SLC4A10: variants seen among roughly 807,000 people sequenced by gnomAD.
The protein encoded by SLC4A10 is sodium-driven chloride bicarbonate exchanger.
Under a neutral mutation model 137.7 loss-of-function variants are expected in SLC4A10, and 42 were observed. The observed-to-expected ratio is 0.30, with a 90% CI of 0.24 to 0.39. The LOEUF (loss-of-function observed/expected upper bound fraction) is 0.39. Ranked by LOEUF, SLC4A10 falls within the 10% of genes least tolerant of loss-of-function variation. The pLI, the probability that SLC4A10 is intolerant of heterozygous loss-of-function variation, is 1.00. For missense variants in SLC4A10, 925 were observed against 1,355.0 expected (o/e 0.68, Z 4.98); for synonymous variants, 474 against 464.1 (o/e 1.02, Z -0.27).
intron 15 of SLC4A10, among the ~76,000 whole-genome samples, chr2:161,914,841 G>C (rs539688824): frequency 6.6e-6 from 1 of 152,038 alleles, no homozygotes; most frequent in Non-Finnish European, 1.5e-5. Flanking sequence ...AAATGATTAA[G>C]ATTAAATGAA....
intron 9 of SLC4A10, among the ~76,000 whole-genome samples, chr2:161,881,583 A>G (rs2061784926): frequency 6.6e-6 from 1 of 152,074 alleles, no homozygotes; most frequent in East Asian, 1.9e-4. Flanking sequence ...CATTTAACAA[A>G]TTAACACCAC....
intron 1 of SLC4A10, among the ~76,000 whole-genome samples, chr2:161,650,575 C>T (rs1422001581): frequency 6.6e-6 from 1 of 152,136 alleles, no homozygotes. Flanking sequence ...CCGGCACTCT[C>T]GGGGGGCCTG....
At chr2:161,686,969 G>T (rs941024738) in intron 1 of SLC4A10, among the ~76,000 whole-genome samples, 1 of 144,330 alleles carries the variant, frequency 6.9e-6, no homozygotes, top group Non-Finnish European at 1.5e-5. Context: ...TGCAACCTCC[G>T]CCTCCCGGGT....
intron 19 of SLC4A10, among the ~76,000 whole-genome samples, chr2:161,953,665 T>C (rs1421520780): frequency 1.3e-5 from 2 of 152,148 alleles, no homozygotes; most frequent in African/African-American, 4.8e-5. Context: ...AATAAAGCTG[T>C]GTTGCACTGC....
intron 1 of SLC4A10, among the ~76,000 whole-genome samples, chr2:161,631,567 C>T (rs1573985900): frequency 6.6e-6 from 1 of 151,540 alleles, no homozygotes; most frequent in Non-Finnish European, 1.5e-5. Context: ...AATATATCTT[C>T]AAAGCTGAGT....
intron 9 of SLC4A10, 108 bp from the exon 10 acceptor site, chr2:161,882,249 C>A (rs2061851706): frequency 8.6e-6 from 5 of 579,432 alleles, no homozygotes; most frequent in Admixed American, 3.8e-5. Context: ...GAAGTATTTG[C>A]CATCACAATC....
intron 3 of SLC4A10, among the ~76,000 whole-genome samples, chr2:161,814,602 T>C (rs1335307187): frequency 6.6e-6 from 1 of 152,040 alleles, no homozygotes; most frequent in African/African-American, 2.4e-5. Context: ...AAGAGCAAAA[T>C]CATGTTCTTT....
In SLC4A10 at chr2:161,755,080, G is replaced by A. The variant is rs550697601; in HGVS notation, c.49-15893G>A. Among the ~76,000 whole-genome samples the A allele has an allele frequency of 6.6e-5, 10 of 152,158 alleles. No individual in the cohort carries two copies. In the South Asian group the frequency reaches 1.9e-3, roughly 28 times the overall value. On this transcript the variant is annotated intron_variant, in intron 1 of 26. Coordinates refer to ENST00000446997, the MANE Select transcript of SLC4A10 (RefSeq NM_001178015.2). ...TAGATATGAAAAATATCATTTTAAAGCAAAGAACTGACTCATACAAAAAAA... is the reference window on the plus strand; with the variant it reads ...TAGATATGAAAAATATCATTTTAAAACAAAGAACTGACTCATACAAAAAAA...
intron 1 of SLC4A10, among the ~76,000 whole-genome samples, chr2:161,658,886 T>G (rs1314101445): frequency 6.6e-6 from 1 of 152,136 alleles, no homozygotes; most frequent in Non-Finnish European, 1.5e-5. Flanking sequence ...CCACCGAGCC[T>G]GGCCAGTTTT....
chr2:161,960,741 A>G (rs1295070234), intron 21 of SLC4A10, among the ~76,000 whole-genome samples: 2 of 151,024 alleles, frequency 1.3e-5, no homozygotes, highest in African/African-American at 2.4e-5. Context: ...AAAAAAAAAA[A>G]GGGAGAAAGA....
At chr2:161,869,658 A>T (rs1028240880) in intron 6 of SLC4A10, among the ~76,000 whole-genome samples, 4 of 151,630 alleles carry the variant, frequency 2.6e-5, no homozygotes, top group Admixed American at 2.6e-4. Flanking sequence ...TGCCTTGAGG[A>T]TATACACATT....
chr2:161,903,887 T>A, intron 12 of SLC4A10, 117 bp from the exon 13 acceptor site: 1 of 1,000,850 alleles, frequency 1.0e-6, no homozygotes, highest in Non-Finnish European at 1.4e-6. Context: ...TTAATGTGTG[T>A]CTCACCTCTG....
intron 10 of SLC4A10, among the ~76,000 whole-genome samples, chr2:161,891,614 C>G (rs767917143): frequency 3.3e-5 from 5 of 151,846 alleles, no homozygotes; most frequent in Admixed American, 2.6e-4. Context: ...GTATGCTTCA[C>G]GAAGTTCTTG....
intron 3 of SLC4A10, among the ~76,000 whole-genome samples, chr2:161,805,725 G>T (rs572137845): frequency 6.6e-6 from 1 of 152,314 alleles, no homozygotes; most frequent in South Asian, 2.1e-4. Context: ...CTCTGCCCTC[G>T]TGGCTTTGCA....
intron 1 of SLC4A10, among the ~76,000 whole-genome samples, chr2:161,745,784 A>G (rs1407302160): frequency 6.6e-6 from 1 of 152,164 alleles, no homozygotes; most frequent in Non-Finnish European, 1.5e-5. Flanking sequence ...TATCTGCATT[A>G]GGGGAAACAC....
intron 26 of SLC4A10, among the ~76,000 whole-genome samples, chr2:161,979,433 C>T (rs766544053): frequency 2.0e-5 from 3 of 152,318 alleles, no homozygotes; most frequent in African/African-American, 7.2e-5. Context: ...TTTAAATGTA[C>T]TTTCACTGAC....
intron 15 of SLC4A10, 65 bp downstream of exon 15, chr2:161,905,952 G>C: frequency 4.0e-6 from 6 of 1,503,680 alleles, no homozygotes; most frequent in Non-Finnish European, 5.3e-6. Flanking sequence ...ATTGTTACAA[G>C]AAATATGAGG....
Position 161,681,281 on chromosome 2 carries a change from G to A in SLC4A10, c.48+56715G>A, listed in dbSNP as rs546196202. 8.9e-4 allele frequency among the ~76,000 whole-genome samples: 135 copies of A among 152,226 alleles called. 4 individuals carry two copies. The South Asian group carries it at 0.028, about 31-fold the overall frequency. On this transcript the variant is annotated intron_variant, in intron 1 of 26. Transcript: ENST00000446997. ...CACCATTTCGCATCAGCCATACACT[G>A]TTAAAAACTTAATCATCATGTGGCA...
intron 1 of SLC4A10, among the ~76,000 whole-genome samples, chr2:161,756,966 C>G (rs185782743): frequency 7.9e-5 from 12 of 151,754 alleles, no homozygotes; most frequent in African/African-American, 2.9e-4. Flanking sequence ...GGCATGTAAA[C>G]GAGAAAAAAA....
Sources: allele counts gnomAD v4.1 joint callset (sites outside exome capture counted in the v4.1 genomes callset), GRCh38; gene constraint gnomAD v4.1.1; transcripts MANE v1.5; gene names NCBI Gene and HGNC (gene_info 2026-07-23, HGNC 2026-07-21).